The following GALNT13 variants were observed in gnomAD, a reference collection of about 807,000 sequenced individuals.
GALNT13 encodes polypeptide N-acetylgalactosaminyltransferase 13, also known as UDP-GalNAc:polypeptide N-acetylgalactosaminyltransferase 13.
In GALNT13, 28 loss-of-function variants were observed where a neutral mutation model predicts 64.2. The ratio of observed to expected loss-of-function variants is 0.44; its 90% CI spans 0.32 to 0.60. GALNT13 has a LOEUF of 0.60. GALNT13 is among the 20% of genes least tolerant of loss of function. The pLI, the probability that GALNT13 is intolerant of heterozygous loss-of-function variation, is 0.05. For missense variants in GALNT13, 577 were observed against 669.8 expected (o/e 0.86, Z 1.53); for synonymous variants, 214 against 224.6 (o/e 0.95, Z 0.42).
the GALNT13 span, among the ~76,000 whole-genome samples, chr2:153,679,942 A>G: frequency 7.9e-5 from 12 of 151,836 alleles, no homozygotes; most frequent in African/African-American, 2.7e-4. Flanking sequence ...AACAATTTCA[A>G]TTCAATAACA....
chr2:154,066,123 C>A (rs1402800559), intron 3 of GALNT13, among the ~76,000 whole-genome samples: 1 of 152,074 alleles, frequency 6.6e-6, no homozygotes, highest in Non-Finnish European at 1.5e-5. Flanking sequence ...TAGAATTGAT[C>A]AAACAGCAGA....
intron 1 of GALNT13, among the ~76,000 whole-genome samples, chr2:153,889,499 T>C (rs1687407303): frequency 6.6e-6 from 1 of 152,038 alleles, no homozygotes; most frequent in Non-Finnish European, 1.5e-5. Context: ...TTTTATAAAA[T>C]CTCATATGTA....
chr2:154,076,900 G>A (rs1319783551), intron 3 of GALNT13, among the ~76,000 whole-genome samples: 2 of 151,578 alleles, frequency 1.3e-5, no homozygotes, highest in Non-Finnish European at 1.5e-5. Context: ...TTCTGAGTTG[G>A]TTTTGCTTCT....
chr2:154,072,515 A>T (rs906631019), intron 3 of GALNT13, among the ~76,000 whole-genome samples: 3 of 152,078 alleles, frequency 2.0e-5, no homozygotes, highest in African/African-American at 7.2e-5. Context: ...GGCTCAAAAC[A>T]TCAATGTAAC....
chr2:154,072,982 A>G (rs1469835569), intron 3 of GALNT13, among the ~76,000 whole-genome samples: 3 of 151,978 alleles, frequency 2.0e-5, no homozygotes, highest in Non-Finnish European at 2.9e-5. Flanking sequence ...TATCCCTTAA[A>G]CCCTTTCTGA....
At chr2:153,643,113 A>T in the GALNT13 span, among the ~76,000 whole-genome samples, 1 of 151,496 alleles carries the variant, frequency 6.6e-6, no homozygotes, top group South Asian at 2.1e-4. Context: ...AAGTTTGAAA[A>T]ATATAAGTAA....
At chr2:153,988,449 T>C (rs1167281474) in intron 3 of GALNT13, among the ~76,000 whole-genome samples, 2 of 151,996 alleles carry the variant, frequency 1.3e-5, no homozygotes, top group Non-Finnish European at 2.9e-5. Context: ...CTCGCTTATG[T>C]CACTTAACAT....
At chr2:153,775,122 GTAGA>G in the GALNT13 span, among the ~76,000 whole-genome samples, 1 of 152,126 alleles carries the variant, frequency 6.6e-6, no homozygotes, top group Admixed American at 6.5e-5. Flanking sequence ...TTAAGAATAA[GTAGA>G]TAGGAGAGGA....
the GALNT13 span, among the ~76,000 whole-genome samples, chr2:153,145,755 T>A: frequency 6.6e-6 from 1 of 151,878 alleles, no homozygotes; most frequent in Non-Finnish European, 1.5e-5. Context: ...TGGGCATATG[T>A]GCTCTGAGTT....
chr2:153,679,516 C>A, the GALNT13 span, among the ~76,000 whole-genome samples: 1 of 151,820 alleles, frequency 6.6e-6, no homozygotes, highest in Non-Finnish European at 1.5e-5. Context: ...ATGCATAGTA[C>A]GTGTGTTTCA....
intron 4 of GALNT13, among the ~76,000 whole-genome samples, chr2:154,143,979 A>G (rs764889891): frequency 3.9e-5 from 6 of 152,140 alleles, no homozygotes; most frequent in African/African-American, 1.4e-4. Flanking sequence ...CTGTGGAGCA[A>G]TCCAACATTT....
chr2:153,750,891 G>C, the GALNT13 span, among the ~76,000 whole-genome samples: 1 of 151,334 alleles, frequency 6.6e-6, no homozygotes, highest in African/African-American at 2.4e-5. Context: ...GTTGTTTAAG[G>C]TTTAGAATTA....
chr2:154,148,442 G>C (rs1683760901), intron 4 of GALNT13, among the ~76,000 whole-genome samples: 1 of 152,308 alleles, frequency 6.6e-6, no homozygotes. Flanking sequence ...TATATAACCA[G>C]TAATGGGATG....
intron 3 of GALNT13, among the ~76,000 whole-genome samples, chr2:154,120,756 C>A (rs142695025): frequency 6.6e-6 from 1 of 152,056 alleles, no homozygotes; most frequent in African/African-American, 2.4e-5. Flanking sequence ...GTTAAACTTC[C>A]CACCATATTT....
chr2:153,601,045 C>T, the GALNT13 span, among the ~76,000 whole-genome samples: 1 of 151,658 alleles, frequency 6.6e-6, no homozygotes, highest in Non-Finnish European at 1.5e-5. Flanking sequence ...ATAGTGGTTC[C>T]AGGAAAGAAA....
chr2:153,097,482 G>C, the GALNT13 span, among the ~76,000 whole-genome samples: 1 of 151,916 alleles, frequency 6.6e-6, no homozygotes, highest in Non-Finnish European at 1.5e-5. Flanking sequence ...TATAGAGAAA[G>C]GTTTAAATTT....
At chr2:153,527,258 T>C in the GALNT13 span, among the ~76,000 whole-genome samples, 2 of 151,832 alleles carry the variant, frequency 1.3e-5, no homozygotes, top group East Asian at 3.9e-4. Context: ...ATCAAACTCC[T>C]AAAAATAAAG....
intron 9 of GALNT13, among the ~76,000 whole-genome samples, chr2:154,334,582 T>C (rs1379802864): frequency 6.8e-6 from 1 of 148,048 alleles, no homozygotes; most frequent in Non-Finnish European, 1.5e-5. Flanking sequence ...TAACCACTTA[T>C]TTGCTTGCAT....
At chr2:153,171,491 C>G in the GALNT13 span, among the ~76,000 whole-genome samples, 3 of 152,170 alleles carry the variant, frequency 2.0e-5, no homozygotes, top group South Asian at 6.2e-4. Context: ...AAAAAAGTGA[C>G]AAGTGTTGAC....
Sources: allele counts gnomAD v4.1 joint callset (sites outside exome capture counted in the v4.1 genomes callset), GRCh38; gene constraint gnomAD v4.1.1; transcripts MANE v1.5; gene names NCBI Gene and HGNC (gene_info 2026-07-23, HGNC 2026-07-21).